COQ8A: variants seen among roughly 807,000 people sequenced by gnomAD.
COQ8A encodes atypical kinase COQ8A, mitochondrial.
In COQ8A, 51 loss-of-function variants were observed where a neutral mutation model predicts 65.0. That is an observed-to-expected ratio of 0.78 (90% CI 0.63 to 0.99). The LOEUF is 0.99. Among genes scored for constraint, COQ8A ranks in the 50% least tolerant of loss-of-function variants. The pLI, the probability that COQ8A is intolerant of heterozygous loss-of-function variation, is 0.00. For synonymous variants in COQ8A, 371 were observed against 353.2 expected (o/e 1.05, Z -0.57); for missense variants, 940 against 875.0 (o/e 1.07, Z -0.94).
intron 1 of COQ8A, among the ~76,000 whole-genome samples, chr1:226,959,978 A>G (rs1040263759): frequency 9.9e-5 from 15 of 151,828 alleles, no homozygotes; most frequent in African/African-American, 3.6e-4. Context: ...ATCATGTGGT[A>G]GTGCTTGGTG....
intron 6 of COQ8A, chr1:226,982,419 A>C (rs911387475): frequency 1.5e-6 from 1 of 645,388 alleles, no homozygotes; most frequent in African/African-American, 1.8e-5. Flanking sequence ...TTATTTTCCA[A>C]ATTTCTTTTG....
chr1:226,983,243 G>A (rs1162187342), intron 8 of COQ8A: 5 of 840,766 alleles, frequency 5.9e-6, no homozygotes, highest in East Asian at 5.3e-5. Context: ...GGGCACAGAG[G>A]GGCCCCCAGC....
intron 2 of COQ8A, among the ~76,000 whole-genome samples, chr1:226,963,543 G>A (rs1161219902): frequency 1.3e-5 from 2 of 152,204 alleles, no homozygotes; most frequent in Non-Finnish European, 2.9e-5. Context: ...CCCTGCCCAG[G>A]CTCCCTCACT....
At chr1:226,969,948 G>C (rs754611738) in intron 4 of COQ8A, among the ~76,000 whole-genome samples, 4 of 151,906 alleles carry the variant, frequency 2.6e-5, no homozygotes, top group Non-Finnish European at 4.4e-5. Flanking sequence ...AATTAATCAA[G>C]GACTTAAAAT....
intron 1 of COQ8A, among the ~76,000 whole-genome samples, chr1:226,960,284 C>G (rs1436048525): frequency 7.0e-4 from 4 of 5,748 alleles, no homozygotes; most frequent in Non-Finnish European, 1.0e-3. Flanking sequence ...GGCGGTGGTA[C>G]TTGGTGGTGG....
intron 4 of COQ8A, 27 bp from the exon 5 acceptor site, chr1:226,977,422 T>G: frequency 6.5e-7 from 1 of 1,549,602 alleles, no homozygotes. Context: ...GCGTGAGCAC[T>G]GAGTGCCCGC....
intron 1 of COQ8A, 164 bp downstream of exon 1, chr1:226,940,563 G>A (rs1252883713): frequency 1.3e-5 from 2 of 152,458 alleles, no homozygotes; most frequent in Admixed American, 1.3e-4. Context: ...GACGCAGTGG[G>A]GGCGCCTCAG....
chr1:226,955,234 C>T (rs921541838), intron 1 of COQ8A, among the ~76,000 whole-genome samples: 1 of 151,938 alleles, frequency 6.6e-6, no homozygotes, highest in Non-Finnish European at 1.5e-5. Context: ...GGACGTACTT[C>T]CTATAGGAGG....
intron 13 of COQ8A, 108 bp downstream of exon 13, chr1:226,985,049 C>A: frequency 7.0e-7 from 1 of 1,421,010 alleles, no homozygotes; most frequent in African/African-American, 1.4e-5. Context: ...CTTGTGTCCC[C>A]ATCTGCGCTG....
chr1:226,964,858 C>T, intron 2 of COQ8A, 142 bp from the exon 3 acceptor site: 2 of 933,564 alleles, frequency 2.1e-6, no homozygotes, highest in Admixed American at 4.2e-5. Flanking sequence ...GGGTGCCGGG[C>T]CTCAGGTGCA....
At chr1:226,960,305 TGGTG>T (rs1658101950) in intron 1 of COQ8A, among the ~76,000 whole-genome samples, 1 of 143,926 alleles carries the variant, frequency 6.9e-6, no homozygotes, top group Non-Finnish European at 1.5e-5. Flanking sequence ...TACTTGGTGG[TGGTG>T]GCGGTACTTG....
At chr1:226,970,162 A>G (rs896113921) in intron 4 of COQ8A, among the ~76,000 whole-genome samples, 1 of 152,190 alleles carries the variant, frequency 6.6e-6, no homozygotes, top group African/African-American at 2.4e-5. Context: ...CATGTTGGCC[A>G]GGCTGTTCTT....
In COQ8A at chr1:226,965,305, G is replaced by T; in HGVS notation, c.483G>T (p.Arg161Ser). The change falls in exon 3 of 15, where the codon AGG (arginine) becomes AGT (serine). Residue 161 changes from arginine (R) to serine (S), a missense_variant. Arg to Ser is a moderately radical substitution (Grantham distance 110). Transcript: ENST00000366777. ...DSFSAMGFQR[R>S]FFHQDQSPVG... Reference sequence around the variant, plus strand: ...TCTCTGCCATGGGCTTTCAGCGAAGGTTCTTCCACCAGGACCAATCCCCTG... The same window carrying T: ...TCTCTGCCATGGGCTTTCAGCGAAGTTTCTTCCACCAGGACCAATCCCCTG... 1.9e-6 allele frequency: 3 copies of T among 1,613,908 alleles called. No individual in the cohort carries two copies. Among genetic ancestry groups the T allele is most frequent in the Non-Finnish European group, 2.5e-6 (3 of 1,180,026 alleles).
rs1658486318 is a variant in COQ8A at position 226,965,192 on chromosome 1, C to T, written c.370C>T (p.Pro124Ser). 6.2e-7 allele frequency: 1 copy of T among 1,613,618 alleles called. No homozygotes were observed. Among genetic ancestry groups the T allele is most frequent in the Non-Finnish European group, 8.5e-7 (1 of 1,180,026 alleles). Reference sequence around the variant, plus strand: ...AGCTCCTGCCTACGTGGCCAGTGGACCCTTTAGAGAAGCCGGGTTCCCCGG... The same window carrying T: ...AGCTCCTGCCTACGTGGCCAGTGGATCCTTTAGAGAAGCCGGGTTCCCCGG... Reference protein sequence around the residue: ...GPAPAYVASGPFREAGFPGQA... With the variant: ...GPAPAYVASGSFREAGFPGQA... Residue 124 changes from proline to serine, a missense_variant, in exon 3 of 15, where the codon CCC becomes TCC. Physicochemically the swap from Pro to Ser is moderately conservative, Grantham distance 74 (BLOSUM62 -1). Transcript: ENST00000366777.
At chr1:226,964,889 G>A in intron 2 of COQ8A, 111 bp from the exon 3 acceptor site, 2 of 1,274,356 alleles carry the variant, frequency 1.6e-6, no homozygotes, top group Non-Finnish European at 2.2e-6. Flanking sequence ...ACCTCTGGAG[G>A]TGGGAGGGGG....
At chr1:226,976,501 C>G (rs1659243660) in intron 4 of COQ8A, among the ~76,000 whole-genome samples, 1 of 152,098 alleles carries the variant, frequency 6.6e-6, no homozygotes, top group Non-Finnish European at 1.5e-5. Context: ...CATCGTGCGG[C>G]CGCTCTGGTC....
chr1:226,957,479 G>A (rs1167422561), intron 1 of COQ8A, among the ~76,000 whole-genome samples: 1 of 152,154 alleles, frequency 6.6e-6, no homozygotes, highest in Non-Finnish European at 1.5e-5. Flanking sequence ...ATAATGCTGT[G>A]CTCTGTATTT....
intron 1 of COQ8A, among the ~76,000 whole-genome samples, chr1:226,957,033 C>T (rs1158221634): frequency 6.7e-6 from 1 of 148,218 alleles, no homozygotes; most frequent in Non-Finnish European, 1.5e-5. Flanking sequence ...CCCTCGTTCA[C>T]ACTCTCCCTG....
chr1:226,949,332 G>A lies in COQ8A; in HGVS notation c.-10+8933G>A, dbSNP rs748015854. On this transcript the variant is annotated intron_variant, in intron 1 of 14. Transcript: ENST00000366777. This position sits in a 1 kb window ranked among gnomAD's most constrained non-coding sequence, Gnocchi z 4.0. ...TGAGCAACGCGTTGGCATGATGAAC[G>A]TGGGTTTTTTTATAGGGAGAGGAAT... Among the ~76,000 whole-genome samples the A allele has an allele frequency of 3.9e-5, 6 of 152,150 alleles. No individual in the cohort carries two copies. Among genetic ancestry groups the A allele is most frequent in the East Asian group, 1.9e-4 (1 of 5,166 alleles).
Sources: gnomAD v4.1 joint callset for allele counts (sites outside exome capture counted in the v4.1 genomes callset) on GRCh38, gnomAD v4.1.1 for gene constraint, Gnocchi (gnomAD v3.1) non-coding constraint, MANE v1.5 for transcripts, NCBI Gene and HGNC (gene_info 2026-07-23, HGNC 2026-07-21) for gene names.